The following IGF2BP1 variants were observed in gnomAD, a reference collection of about 807,000 sequenced individuals.
The protein encoded by IGF2BP1 is insulin-like growth factor 2 mRNA-binding protein 1.
IGF2BP1 carries 11 observed loss-of-function variants against 74.9 expected under a neutral mutation model. That is an observed-to-expected ratio of 0.15 (90% CI 0.09 to 0.24). The LOEUF (loss-of-function observed/expected upper bound fraction) is 0.24, where lower values mean the gene tolerates loss of function less well. Among genes scored for constraint, IGF2BP1 ranks in the 10% least tolerant of loss-of-function variants. The pLI, the probability that IGF2BP1 is intolerant of heterozygous loss-of-function variation, is 1.00. For missense variants in IGF2BP1, 440 were observed against 757.4 expected (o/e 0.58, Z 4.92); for synonymous variants, 287 against 281.8 (o/e 1.02, Z -0.18).
rs146037550 is a variant in IGF2BP1 at position 48,999,116 on chromosome 17, A to G, written c.183A>G (p.Val61=). ...TTTTTTTTTAATCTTTAGGGAAAGT[A>G]GAATTACAAGGAAAACGCTTAGAGA... ...MKAIETFSGK[V]ELQGKRLEIE... is the part of the protein sequence containing the mutation. Residue 61 remains valine, a synonymous_variant, in exon 2 of 15, where the codon GTA becomes GTG. Coordinates refer to ENST00000290341, the MANE Select transcript of IGF2BP1 (RefSeq NM_006546.4). 1.3e-4 allele frequency: 205 copies of G among 1,522,316 alleles called. No individual in the cohort carries two copies. In the African/African-American group the frequency reaches 2.5e-3, roughly 19 times the overall value. The allele number at this position is 1,522,316 out of a possible 1,614,324, so 94.3% of individuals were successfully genotyped here. A position where few individuals can be genotyped will look rare whatever the true frequency, so the allele number is the denominator to read the frequency against.
chr17:49,021,916 C>T (rs2041797520), intron 2 of IGF2BP1, among the ~76,000 whole-genome samples: 2 of 152,202 alleles, frequency 1.3e-5, no homozygotes, highest in Non-Finnish European at 2.9e-5. Flanking sequence ...GGGCTCTAGG[C>T]AGTGGTATTT....
intron 2 of IGF2BP1, among the ~76,000 whole-genome samples, chr17:49,000,320 G>C (rs35513882): frequency 0.15 from 23,557 of 152,050 alleles, 1,907 homozygotes; most frequent in South Asian, 0.19. Context: ...CCATTAAGAG[G>C]GCCTAGAAAG....
intron 2 of IGF2BP1, among the ~76,000 whole-genome samples, chr17:49,013,239 T>C (rs943168291): frequency 6.6e-6 from 1 of 152,166 alleles, no homozygotes. Context: ...ACAAATGTCC[T>C]ACTCTGCATG....
intron 2 of IGF2BP1, among the ~76,000 whole-genome samples, chr17:49,018,898 A>C (rs1323761340): frequency 6.6e-6 from 1 of 152,102 alleles, no homozygotes; most frequent in Non-Finnish European, 1.5e-5. Flanking sequence ...TGAAGGTTCT[A>C]ATCTGAAGAT....
intron 4 of IGF2BP1, among the ~76,000 whole-genome samples, chr17:49,029,117 T>C (rs1366932242): frequency 6.6e-6 from 1 of 152,206 alleles, no homozygotes. Context: ...ATCTGATTTA[T>C]ATTTTTCCAT....
At chr17:49,036,391 T>A (rs969403702) in intron 5 of IGF2BP1, 4 of 151,896 alleles carry the variant, frequency 2.6e-5, no homozygotes, top group African/African-American at 7.3e-5. Flanking sequence ...ATTGGAACGG[T>A]ACAGAGATTA....
intron 2 of IGF2BP1, among the ~76,000 whole-genome samples, chr17:49,022,386 C>T (rs2041803232): frequency 6.6e-6 from 1 of 152,190 alleles, no homozygotes; most frequent in Non-Finnish European, 1.5e-5. Flanking sequence ...AAAGGTTCTT[C>T]ACGGCCTCTG....
intron 2 of IGF2BP1, among the ~76,000 whole-genome samples, chr17:49,019,597 C>G (rs568520900): frequency 2.0e-5 from 3 of 152,126 alleles, no homozygotes; most frequent in Admixed American, 1.3e-4. Flanking sequence ...TCATTTTCCC[C>G]TGTGCTCTGA....
At chr17:49,041,069 C>T (rs2042047156) in intron 7 of IGF2BP1, among the ~76,000 whole-genome samples, 1 of 152,134 alleles carries the variant, frequency 6.6e-6, no homozygotes, top group Non-Finnish European at 1.5e-5. Context: ...GTCCCAGCTA[C>T]TCGGAAGGCT....
At chr17:49,037,852 T>C (rs1484815345) in intron 5 of IGF2BP1, among the ~76,000 whole-genome samples, 2 of 152,218 alleles carry the variant, frequency 1.3e-5, no homozygotes, top group Non-Finnish European at 2.9e-5. Flanking sequence ...TCTTCCTTTT[T>C]AGGCTAGCAG....
chr17:49,043,802 A>G (rs992352209), intron 10 of IGF2BP1, among the ~76,000 whole-genome samples, 165 bp from the exon 11 acceptor site: 1 of 152,036 alleles, frequency 6.6e-6, no homozygotes, highest in Non-Finnish European at 1.5e-5. Context: ...CTTTAGCCCT[A>G]CTGGGCATAG....
intron 4 of IGF2BP1, among the ~76,000 whole-genome samples, chr17:49,027,437 C>T (rs975007609): frequency 5.2e-4 from 79 of 152,094 alleles, no homozygotes; most frequent in Non-Finnish European, 8.2e-4. Context: ...CAATATATGT[C>T]TTTGGTCAAT....
intron 2 of IGF2BP1, among the ~76,000 whole-genome samples, chr17:49,009,891 C>T (rs938095663): frequency 1.3e-5 from 2 of 151,966 alleles, no homozygotes; most frequent in Non-Finnish European, 2.9e-5. Flanking sequence ...ACCAGCCTGG[C>T]CAACATGGTG....
At chr17:49,015,120 GTGCCACAACACCCGGC>G (rs1398385870) in intron 2 of IGF2BP1, among the ~76,000 whole-genome samples, 1 of 152,128 alleles carries the variant, frequency 6.6e-6, no homozygotes, top group Non-Finnish European at 1.5e-5. Flanking sequence ...TTACAGGCGT[GTGCCACAACACCCGGC>G]TAATTTTTGT....
intron 5 of IGF2BP1, chr17:49,037,437 A>G (rs2042003051): frequency 2.7e-6 from 1 of 374,498 alleles, no homozygotes; most frequent in Non-Finnish European, 5.1e-6. Context: ...GCCTGTAGGC[A>G]AATATTCAAA....
In IGF2BP1 at chr17:49,038,208, G is replaced by T. The variant is rs2042010033; in HGVS notation, c.442G>T (p.Ala148Ser). Residue 148 changes from alanine (A) to serine (S), a missense_variant, in exon 6 of 15, where the codon GCC becomes TCC. Ala to Ser is a moderately conservative substitution (Grantham distance 99). This residue lies in a region of IGF2BP1 where 105 missense variants were observed against 199.4 expected (regional missense o/e 0.53). Transcript: ENST00000290341. ...KLNGHQLENH[A>S]LKVSYIPDEQ... ...GAATGGCCACCAGTTGGAGAACCAT[G>T]CCCTGAAGGTCTCCTACATCCCCGA... The T allele has an allele frequency of 6.5e-7, 1 of 1,538,446 alleles. No homozygotes were observed. The highest frequency in any genetic ancestry group is 2.0e-5 in the Admixed American group (1 of 49,422).
chr17:49,045,074 C>T lies in IGF2BP1; in HGVS notation c.1395+9C>T. The T allele has an allele frequency of 6.2e-7, 1 of 1,612,224 alleles. No individual in the cohort carries two copies. Among genetic ancestry groups the T allele is most frequent in the Non-Finnish European group, 8.5e-7 (1 of 1,178,382 alleles). On this transcript the variant is annotated intron_variant, in intron 12 of 14. Coordinates refer to ENST00000290341, the MANE Select transcript of IGF2BP1 (RefSeq NM_006546.4). ...CAGAGGCCCAATTCAAGGTTTTGGT[C>T]TTTATTGTTTTCCAAGCTGAACATG...
chr17:49,032,781 T>C (rs979112791), intron 5 of IGF2BP1, among the ~76,000 whole-genome samples: 13 of 152,276 alleles, frequency 8.5e-5, no homozygotes, highest in Non-Finnish European at 1.6e-4. Context: ...TTAAAGCTCA[T>C]GTCAACAGTT....
In IGF2BP1 at chr17:48,997,986, TC is replaced by T; in HGVS notation, c.175+68del. On this transcript the variant is annotated intron_variant, in intron 1 of 14. Coordinates refer to ENST00000290341, the MANE Select transcript of IGF2BP1 (RefSeq NM_006546.4). This position sits in a 1 kb window ranked among gnomAD's most constrained non-coding sequence, Gnocchi z 4.8. ...CCCCGAACAACGGAGACCCGCACCT[TC>T]CGGTTCCTCTCCCGCCAACTCCTCT... 6.5e-7 allele frequency: 1 copy of T among 1,541,300 alleles called. No homozygotes were observed. The highest frequency in any genetic ancestry group is 8.8e-7 in the Non-Finnish European group (1 of 1,134,498).
Sources: gnomAD v4.1 joint callset for allele counts (sites outside exome capture counted in the v4.1 genomes callset) on GRCh38, gnomAD v4.1.1 for gene constraint, gnomAD v4.1.1 regional missense constraint, Gnocchi (gnomAD v3.1) non-coding constraint, MANE v1.5 for transcripts, NCBI Gene and HGNC (gene_info 2026-07-23, HGNC 2026-07-21) for gene names.